Variants in SLC28A3 observed in about 807,000 individuals in gnomAD.
SLC28A3 encodes concentrative Na(+)-nucleoside cotransporter 3.
In SLC28A3, 68 loss-of-function variants were observed where a neutral mutation model predicts 84.2. That is an observed-to-expected ratio of 0.81 (90% CI 0.66 to 0.99). The LOEUF is 0.99. Ranked by LOEUF, SLC28A3 falls within the 50% of genes least tolerant of loss-of-function variation. The probability of loss-of-function intolerance (pLI) is 0.00; values close to 1 mark genes in which losing one functional copy is unlikely to be tolerated. For missense variants in SLC28A3, 712 were observed against 841.5 expected, an observed-to-expected ratio of 0.85 and a Z score of 1.90; for synonymous variants, 267 against 303.6, an observed-to-expected ratio of 0.88 and a Z score of 1.25.
rs1158278473 is a variant in SLC28A3, at chr9:84,298,159, T to A, written c.670-140A>T. 3 of 695,454 alleles carry A rather than the reference T, an allele frequency of 4.3e-6. No individual in the cohort carries two copies. The African/African-American group carries it at 5.5e-5, about 13-fold the overall frequency. The allele number at this position is 695,454 out of a possible 1,614,324, so 43.1% of individuals were successfully genotyped here. A position where few individuals can be genotyped will look rare whatever the true frequency, so the allele number is the denominator to read the frequency against. The stretch of plus-strand genomic sequence containing the variant: ...CACCTTCTTTGGGAGGCTACAGCTG[T>A]CATAAGCAGAGAACCCTTTGATAGA... On this transcript the variant is annotated intron_variant, in intron 6 of 17. Transcript: ENST00000376238.
chr9:84,314,087 C>G (rs951659660), intron 1 of SLC28A3, among the ~76,000 whole-genome samples: 2 of 152,084 alleles, frequency 1.3e-5, no homozygotes, highest in South Asian at 4.1e-4. Flanking sequence ...ATAAAATGAA[C>G]TAAAACGTGG....
At chr9:84,285,162 A>G (rs1486626646) in intron 14 of SLC28A3, among the ~76,000 whole-genome samples, 183 bp downstream of exon 14, 1 of 152,240 alleles carries the variant, frequency 6.6e-6, no homozygotes, top group East Asian at 1.9e-4. Flanking sequence ...CTAATTCAAC[A>G]TAACTGAAAG....
At chr9:84,309,125 T>C (rs566384380) in intron 3 of SLC28A3, among the ~76,000 whole-genome samples, 15 of 152,304 alleles carry the variant, frequency 9.8e-5, no homozygotes, top group African/African-American at 3.1e-4. Context: ...ATTGGCCACA[T>C]TGATCATCTT....
chr9:84,359,386 T>G, the SLC28A3 span, among the ~76,000 whole-genome samples: 2,244 of 152,260 alleles, frequency 0.015, 52 homozygotes, highest in African/African-American at 0.051. Flanking sequence ...CATTGTAGTA[T>G]TAATAAAAGA....
At chr9:84,307,296 T>C (rs1397713575) in intron 3 of SLC28A3, among the ~76,000 whole-genome samples, 2 of 151,326 alleles carry the variant, frequency 1.3e-5, no homozygotes, top group Non-Finnish European at 2.9e-5. Flanking sequence ...CCGGGTGTGG[T>C]GGCACAGGCC....
intron 6 of SLC28A3, among the ~76,000 whole-genome samples, chr9:84,298,840 G>A (rs2118265797): frequency 6.6e-6 from 1 of 152,314 alleles, no homozygotes; most frequent in African/African-American, 2.4e-5. Context: ...CTCAAATGCA[G>A]ACCCAGGATG....
In SLC28A3 at chr9:84,276,335, G is replaced by GT. The variant is rs1824524709; in HGVS notation, c.*1882dup. 1.3e-5 allele frequency: 2 copies of GT among 149,044 alleles called. No homozygotes were observed. The highest frequency in any genetic ancestry group is 2.0e-4 in the East Asian group (1 of 5,116). The allele number at this position is 149,044 out of a possible 1,614,324, so 9.2% of individuals were successfully genotyped here. ...AAATATATTAAAATTAATTTTACTT[G>GT]TTTTTTAGCGTGGCTACTAGATCTT... On this transcript the variant is annotated 3_prime_UTR_variant, in exon 18 of 18. Transcript: ENST00000376238.
chr9:84,350,019 G>GTA, the SLC28A3 span, among the ~76,000 whole-genome samples: 1 of 152,212 alleles, frequency 6.6e-6, no homozygotes, highest in Non-Finnish European at 1.5e-5. Flanking sequence ...AGGTTATATG[G>GTA]TATAGCCTGT....
chr9:84,321,976 G>C (rs368351807), intron 1 of SLC28A3, among the ~76,000 whole-genome samples: 41 of 152,300 alleles, frequency 2.7e-4, no homozygotes, highest in Middle Eastern at 3.4e-3. Context: ...CTTGAACTCA[G>C]GGGGCAGAGG....
At position 84,319,576 on chromosome 9, in the gene SLC28A3, T is replaced by C. The variant is rs574449998; in HGVS notation, c.61-6122A>G. 5.3e-5 allele frequency among the ~76,000 whole-genome samples: 8 copies of C among 152,330 alleles called. No individual in the cohort carries two copies. The East Asian group carries it at 1.5e-3, about 29-fold the overall frequency. ...CAGAATTGTCCACTCCAAGATACCA[T>C]TACCCTTGCGGCTGTTGGGTTATCT... On this transcript the variant is annotated intron_variant, in intron 1 of 17. Coordinates refer to ENST00000376238, the MANE Select transcript of SLC28A3 (RefSeq NM_001199633.2).
At chr9:84,367,934 A>G in the SLC28A3 span, among the ~76,000 whole-genome samples, 1 of 152,174 alleles carries the variant, frequency 6.6e-6, no homozygotes, top group Non-Finnish European at 1.5e-5. Flanking sequence ...ATTCTCAGGG[A>G]CATGCGGGAA....
chr9:84,359,874 G>T, the SLC28A3 span, among the ~76,000 whole-genome samples: 2 of 151,874 alleles, frequency 1.3e-5, no homozygotes, highest in Non-Finnish European at 2.9e-5. Flanking sequence ...GGTGGCACGT[G>T]CCTGTATTCC....
chr9:84,283,331 G>A (rs1282891027), intron 14 of SLC28A3, among the ~76,000 whole-genome samples: 1 of 152,256 alleles, frequency 6.6e-6, no homozygotes, highest in Non-Finnish European at 1.5e-5. Flanking sequence ...CATACGTACA[G>A]GATGGTCATT....
chr9:84,294,140 G>A (rs866592964), intron 9 of SLC28A3, 55 bp downstream of exon 9: 10 of 1,549,514 alleles, frequency 6.5e-6, no homozygotes, highest in South Asian at 1.2e-5. Context: ...TGAGGACTTC[G>A]TGCCTGAGAT....
Position 84,299,648 on chromosome 9 carries a change from A to AGCT in SLC28A3, c.599_601dup (p.Gln200dup). On this transcript the variant is annotated inframe_insertion, in exon 6 of 18. Transcript: ENST00000376238. ...CATTATGAGCCCACCGAAGGACACC[A>AGCT]GCTGCTGTTGACCCAATTTGGCAGT... The AGCT allele has an allele frequency of 6.2e-7, 1 of 1,613,922 alleles. No homozygotes were observed.
rs747881012 is a variant in SLC28A3, at chr9:84,285,505, A to G, written c.1487T>C (p.Met496Thr). 4 of 1,614,188 alleles carry G rather than the reference A, an allele frequency of 2.5e-6. 1 individual carries two copies. The highest frequency in any genetic ancestry group is 3.4e-6 in the Non-Finnish European group (4 of 1,180,022). ...GCTGTCCTGCCATTCCACTCCCATC[A>G]TGAAGGAAAAGGGCATGAAGATGTA... ...CSYIFMPFSF[M>T]MGVEWQDSFM... Residue 496 changes from methionine to threonine, a missense_variant, in exon 14 of 18, where the codon ATG becomes ACG. Coordinates refer to ENST00000376238, the MANE Select transcript of SLC28A3 (RefSeq NM_001199633.2).
intron 8 of SLC28A3, 112 bp downstream of exon 8, chr9:84,297,109 A>C: frequency 1.4e-4 from 92 of 679,046 alleles, no homozygotes; most frequent in Non-Finnish European, 1.9e-4. Context: ...ACCTCTGACC[A>C]GCGCAGTAGG....
chr9:84,354,499 C>A, the SLC28A3 span, among the ~76,000 whole-genome samples: 1 of 152,338 alleles, frequency 6.6e-6, no homozygotes, highest in South Asian at 2.1e-4. Context: ...TGTTTATAAT[C>A]GATTGAAACA....
rs1182939298 is a variant in SLC28A3, at chr9:84,320,040, G to GTTTTTTTTTTTTTTTTTTTTTTTT, written c.61-6610_61-6587dup. Reference sequence around the variant, plus strand: ...TACTCATTCCAGCCTGGCTTGCACTGTTTTTTTTTTTTTTTTTTTTTTTTT... The same window carrying GTTTTTTTTTTTTTTTTTTTTTTTT: ...TACTCATTCCAGCCTGGCTTGCACTGTTTTTTTTTTTTTTTTTTTTTTTTTTTTTTTTTTTTTTTTTTTTTTTTT... On this transcript the variant is annotated intron_variant, in intron 1 of 17. Coordinates refer to ENST00000376238, the MANE Select transcript of SLC28A3 (RefSeq NM_001199633.2). Among the ~76,000 whole-genome samples, 4 of 59,566 alleles carry GTTTTTTTTTTTTTTTTTTTTTTTT rather than the reference G, an allele frequency of 6.7e-5. 1 individual carries two copies. The highest frequency in any genetic ancestry group is 9.8e-5 in the African/African-American group (1 of 10,224). The allele number at this position is 59,566 out of a possible 152,430, so 39.1% of individuals were successfully genotyped here. A position where few individuals can be genotyped will look rare whatever the true frequency, so the allele number is the denominator to read the frequency against.
Sources: gnomAD v4.1 joint callset for allele counts (sites outside exome capture counted in the v4.1 genomes callset) on GRCh38, gnomAD v4.1.1 for gene constraint, MANE v1.5 for transcripts, NCBI Gene and HGNC (gene_info 2026-07-23, HGNC 2026-07-21) for gene names.